The following TTI2 variants were observed in gnomAD, a reference collection of about 807,000 sequenced individuals.
TTI2 encodes the protein TELO2 interacting protein 2.
A neutral mutation model predicts 44.9 loss-of-function variants in TTI2; 26 were observed. The ratio of observed to expected loss-of-function variants is 0.58; its 90% CI spans 0.42 to 0.80. The LOEUF is 0.80. Ranked by LOEUF, TTI2 falls within the 30% of genes least tolerant of loss-of-function variation. TTI2 has a pLI of 0.00. For missense variants in TTI2, 582 were observed against 611.6 expected, an observed-to-expected ratio of 0.95 and a Z score of 0.51; for synonymous variants, 254 against 250.9, an observed-to-expected ratio of 1.01 and a Z score of -0.12.
Position 33,499,093 on chromosome 8 carries a change from T to C in TTI2, c.*80A>G, listed in dbSNP as rs532959690. ...ACTTACAAAGTTTCGTGTAAAAATA[T>C]CTTTTTTTCTTAAATAACTCCATTC... On this transcript the variant is annotated 3_prime_UTR_variant, in exon 8 of 8. Coordinates refer to ENST00000431156, the MANE Select transcript of TTI2 (RefSeq NM_001102401.4). The C allele has an allele frequency of 4.1e-5, 50 of 1,211,884 alleles. No homozygotes were observed. In the African/African-American group the frequency reaches 6.4e-4, roughly 16 times the overall value. The allele number at this position is 1,211,884 out of a possible 1,614,324, so 75.1% of individuals were successfully genotyped here. A position where few individuals can be genotyped will look rare whatever the true frequency, so the allele number is the denominator to read the frequency against.
At chr8:33,508,013 G>A (rs1256853341) in intron 3 of TTI2, among the ~76,000 whole-genome samples, 1 of 113,474 alleles carries the variant, frequency 8.8e-6, no homozygotes, top group African/African-American at 3.4e-5. Context: ...AAAGGAAAAT[G>A]TACTGCCCCT....
At chr8:33,510,776 C>G (rs1286261296) in intron 2 of TTI2, among the ~76,000 whole-genome samples, 2 of 151,944 alleles carry the variant, frequency 1.3e-5, no homozygotes, top group East Asian at 1.9e-4. Context: ...CAAAATCAAG[C>G]CTTTTAATTC....
intron 6 of TTI2, among the ~76,000 whole-genome samples, chr8:33,502,091 G>A (rs139711093): frequency 0.015 from 2,336 of 152,048 alleles, 73 homozygotes; most frequent in African/African-American, 0.053. Flanking sequence ...CTACAGGTGC[G>A]CGCCACCATG....
At chr8:33,510,084 C>T in intron 2 of TTI2, 152 bp from the exon 3 acceptor site, 1 of 686,326 alleles carries the variant, frequency 1.5e-6, no homozygotes, top group Non-Finnish European at 2.5e-6. Context: ...CTATATCATA[C>T]ATTCTAAGAT....
chr8:33,498,854 A>G lies in TTI2; in HGVS notation c.*319T>C, dbSNP rs527862885. 2 of 592,020 alleles carry G rather than the reference A, an allele frequency of 3.4e-6. No homozygotes were observed. The highest frequency in any genetic ancestry group is 4.3e-5 in the South Asian group (2 of 46,582). 36.7% of individuals were successfully genotyped at this position (592,020 alleles called of 1,614,324 possible). ...GTTTTTATAGCATATGTGTTGAAGTAACAGCTTGTGCCCGAGAAACTTAAC... is the reference window on the plus strand; with the variant it reads ...GTTTTTATAGCATATGTGTTGAAGTGACAGCTTGTGCCCGAGAAACTTAAC... On this transcript the variant is annotated 3_prime_UTR_variant, in exon 8 of 8. Coordinates refer to ENST00000431156, the MANE Select transcript of TTI2 (RefSeq NM_001102401.4).
chr8:33,505,192 C>T (rs911339990), intron 4 of TTI2, among the ~76,000 whole-genome samples: 5 of 152,042 alleles, frequency 3.3e-5, no homozygotes, highest in Admixed American at 2.0e-4. Flanking sequence ...CACTGTACTC[C>T]GGCCTGCATG....
chr8:33,504,545 G>C (rs995584088), intron 4 of TTI2, among the ~76,000 whole-genome samples: 12 of 151,778 alleles, frequency 7.9e-5, no homozygotes, highest in Non-Finnish European at 1.6e-4. Flanking sequence ...AAAGTGCTAG[G>C]ATTTATCCCT....
intron 2 of TTI2, among the ~76,000 whole-genome samples, chr8:33,511,399 C>G (rs534342693): frequency 3.3e-4 from 50 of 152,206 alleles, no homozygotes; most frequent in Admixed American, 2.8e-3. Context: ...TTTTCCTAGG[C>G]AGTCGTCCTA....
intron 6 of TTI2, 162 bp from the exon 7 acceptor site, chr8:33,500,652 T>G: frequency 1.3e-6 from 1 of 760,084 alleles, no homozygotes; most frequent in South Asian, 1.9e-5. Flanking sequence ...AGACAGCCTC[T>G]AGATTTCTTA....
intron 4 of TTI2, among the ~76,000 whole-genome samples, chr8:33,504,682 A>AG (rs1186315387): frequency 6.6e-6 from 1 of 152,120 alleles, no homozygotes; most frequent in East Asian, 1.9e-4. Context: ...TGCAAAAAAA[A>AG]TCTTACAACA....
chr8:33,508,086 G>GGAAAA (rs1585330193), intron 3 of TTI2, among the ~76,000 whole-genome samples: 1 of 12,752 alleles, frequency 7.8e-5, no homozygotes, highest in African/African-American at 2.6e-4. Flanking sequence ...GCTAGCGGTA[G>GGAAAA]TAAAAAAAAA....
At chr8:33,503,643 TGAGGTGGGAGGATTG>T in intron 5 of TTI2, 71 bp from the exon 6 acceptor site, 1 of 1,607,118 alleles carries the variant, frequency 6.2e-7, no homozygotes, top group Non-Finnish European at 8.5e-7. Flanking sequence ...TTTGGGAGGC[TGAGGTGGGAGGATTG>T]CTTGAGGCCA....
intron 3 of TTI2, among the ~76,000 whole-genome samples, chr8:33,509,107 C>T (rs1809413564): frequency 6.9e-6 from 1 of 145,036 alleles, no homozygotes; most frequent in African/African-American, 2.6e-5. Context: ...CACACTCCAG[C>T]CCAGGCGACA....
chr8:33,510,430 G>A (rs962512209), intron 2 of TTI2, among the ~76,000 whole-genome samples: 1 of 152,160 alleles, frequency 6.6e-6, no homozygotes, highest in Admixed American at 6.6e-5. Flanking sequence ...AGGCTGGAGT[G>A]CAGTGGCACC....
chr8:33,500,137 G>A (rs1359221714), intron 7 of TTI2, 191 bp downstream of exon 7: 1 of 615,076 alleles, frequency 1.6e-6, no homozygotes, highest in Non-Finnish European at 2.8e-6. Flanking sequence ...AAATGGTTCT[G>A]AATAGCTTTA....
rs777865950 is a variant in TTI2 at position 33,507,301 on chromosome 8, C to T, written c.855G>A (p.Gln285=). The T allele has an allele frequency of 6.2e-7, 1 of 1,614,134 alleles. No individual in the cohort carries two copies. The highest frequency in any genetic ancestry group is 2.2e-5 in the East Asian group (1 of 44,878). The change falls in exon 4 of 8, where the codon CAG becomes CAA. Residue 285 remains glutamine (Q), a synonymous_variant. Transcript: ENST00000431156. The part of the protein sequence containing the change: ...VLNVPAADLL[Q]YNRAQVLYHA... ...GGTATAGGACCTGGGCTCTGTTATA[C>T]TGGAGCAAATCAGCAGCTGGCTGCA...
chr8:33,503,857 T>C lies in TTI2; in HGVS notation c.1006A>G (p.Thr336Ala). 6.2e-7 allele frequency: 1 copy of C among 1,614,086 alleles called. No individual in the cohort carries two copies. Among genetic ancestry groups the C allele is most frequent in the Non-Finnish European group, 8.5e-7 (1 of 1,180,012 alleles). Residue 336 changes from threonine (T) to alanine (A), a missense_variant, in exon 5 of 8, where the codon ACC (threonine) becomes GCC (alanine). By Grantham distance (58) the Thr-to-Ala change is moderately conservative (BLOSUM62 0). Coordinates refer to ENST00000431156, the MANE Select transcript of TTI2 (RefSeq NM_001102401.4). ...CGCAGGACCTCATCACAATGGGTGG[T>C]GGGTCGAGCTCCATCTCCTTTCCAG... ...LHWKGDGARP[T>A]THCDEVLRLI...
chr8:33,505,985 A>G (rs1809279211), intron 4 of TTI2, among the ~76,000 whole-genome samples: 1 of 152,126 alleles, frequency 6.6e-6, no homozygotes, highest in Non-Finnish European at 1.5e-5. Flanking sequence ...GGGTTTCTCC[A>G]TGTTGGTCAG....
intron 4 of TTI2, among the ~76,000 whole-genome samples, chr8:33,504,289 ATTTTTTT>A (rs1169577360): frequency 1.3e-3 from 96 of 72,984 alleles, no homozygotes; most frequent in Non-Finnish European, 6.6e-4. Context: ...ATATTTACAC[ATTTTTTT>A]TTTTTTTTTT....
Sources: gnomAD v4.1 joint callset for allele counts (sites outside exome capture counted in the v4.1 genomes callset) on GRCh38, gnomAD v4.1.1 for gene constraint, MANE v1.5 for transcripts, NCBI Gene and HGNC (gene_info 2026-07-23, HGNC 2026-07-21) for gene names.